The following ATP2C1 variants were observed in gnomAD, a reference collection of about 807,000 sequenced individuals.
ATP2C1 encodes the protein ATPase secretory pathway Ca2+ transporting 1.
Under a neutral mutation model 120.5 loss-of-function variants are expected in ATP2C1, and 31 were observed. The observed-to-expected ratio is 0.26, with a 90% CI of 0.19 to 0.35. ATP2C1 has a LOEUF of 0.35. Ranked by LOEUF, ATP2C1 falls within the 10% of genes least tolerant of loss-of-function variation. ATP2C1 has a pLI of 1.00. For synonymous variants in ATP2C1, 351 were observed against 358.7 expected, an observed-to-expected ratio of 0.98 and a Z score of 0.24; for missense variants, 731 against 1,107.5, an observed-to-expected ratio of 0.66 and a Z score of 4.83.
Position 130,894,105 on chromosome 3 carries a change from G to T in ATP2C1, c.-413G>T. 1.0e-6 allele frequency: 1 copy of T among 974,718 alleles called. No individual in the cohort carries two copies. Among genetic ancestry groups the T allele is most frequent in the Non-Finnish European group, 1.2e-6 (1 of 820,192 alleles). The allele number at this position is 974,718 out of a possible 1,614,324, so 60.4% of individuals were successfully genotyped here. A position where few individuals can be genotyped will look rare whatever the true frequency, so the allele number is the denominator to read the frequency against. On this transcript the variant is annotated 5_prime_UTR_variant, in exon 1 of 28. Transcript: ENST00000510168. This position sits in a 1 kb window ranked among gnomAD's most constrained non-coding sequence, Gnocchi z 4.5. ...GAGCAGACCAGCACGGCCTCGCGGAGCCGGCCCGGCGGACCGTGACGGGTC... is the reference window on the plus strand; with the variant it reads ...GAGCAGACCAGCACGGCCTCGCGGATCCGGCCCGGCGGACCGTGACGGGTC...
rs2062790266 is a variant in ATP2C1 at position 130,999,500 on chromosome 3, T to A, written c.2488-18T>A. The A allele has an allele frequency of 1.2e-6, 2 of 1,612,158 alleles. No individual in the cohort carries two copies. The highest frequency in any genetic ancestry group is 1.7e-6 in the Non-Finnish European group (2 of 1,179,244). On this transcript the variant is annotated intron_variant, in intron 26 of 27. Coordinates refer to ENST00000510168, the MANE Select transcript of ATP2C1 (RefSeq NM_001378687.1). The stretch of plus-strand genomic sequence containing the variant: ...TGTGACCAAGGAGTAATAAATGAAC[T>A]CTCTGCTCTGCCAACAGACCAAGTC...
intron 9 of ATP2C1, among the ~76,000 whole-genome samples, 166 bp downstream of exon 9, chr3:130,954,142 A>G (rs2108551356): frequency 6.6e-6 from 1 of 152,338 alleles, no homozygotes; most frequent in East Asian, 1.9e-4. Flanking sequence ...CTGTGTCCCC[A>G]AAGTATAATA....
chr3:130,918,253 A>G, intron 2 of ATP2C1: 1 of 1,521,226 alleles, frequency 6.6e-7, no homozygotes, highest in South Asian at 1.1e-5. Context: ...CTCCTTGGCC[A>G]TAGCCAAATC....
At chr3:130,972,101 C>T (rs2061342751) in intron 17 of ATP2C1, among the ~76,000 whole-genome samples, 1 of 152,168 alleles carries the variant, frequency 6.6e-6, no homozygotes, top group African/African-American at 2.4e-5. Context: ...GATCCTCAGG[C>T]ATTAGATTCT....
At chr3:130,913,273 A>G (rs2058528832) in intron 2 of ATP2C1, among the ~76,000 whole-genome samples, 1 of 152,006 alleles carries the variant, frequency 6.6e-6, no homozygotes, top group East Asian at 2.0e-4. Context: ...TAAAAAAAAA[A>G]AAGAATTTTG....
intron 2 of ATP2C1, among the ~76,000 whole-genome samples, chr3:130,929,416 T>A (rs1031947711): frequency 2.2e-4 from 34 of 152,210 alleles, no homozygotes; most frequent in African/African-American, 7.2e-4. Flanking sequence ...TTGATTTCAT[T>A]TGCTTAAAGA....
At chr3:130,903,024 TA>T (rs2057939822) in intron 2 of ATP2C1, among the ~76,000 whole-genome samples, 1 of 151,996 alleles carries the variant, frequency 6.6e-6, no homozygotes, top group East Asian at 1.9e-4. Context: ...TCTTTCCTTT[TA>T]GGAAAAAAAC....
At chr3:130,881,292 C>G (rs1177113180) in intron 1 of ATP2C1, among the ~76,000 whole-genome samples, 1 of 152,086 alleles carries the variant, frequency 6.6e-6, no homozygotes, top group Non-Finnish European at 1.5e-5. Context: ...TGGCCAGTGG[C>G]AATTTAACTT....
Position 130,993,019 on chromosome 3 carries a change from A to T in ATP2C1, c.1890+18A>T. The T allele has an allele frequency of 6.2e-7, 1 of 1,606,292 alleles. No homozygotes were observed. Among genetic ancestry groups the T allele is most frequent in the Non-Finnish European group, 8.5e-7 (1 of 1,173,256 alleles). On this transcript the variant is annotated intron_variant, in intron 21 of 27. Transcript: ENST00000510168. ...TTATTAAGGTGAGTGTGTAAGAATC[A>T]GATTGTTTTATTTCTGTATACAAAA...
chr3:130,927,333 C>T (rs2059258625), intron 2 of ATP2C1, among the ~76,000 whole-genome samples: 2 of 151,668 alleles, frequency 1.3e-5, no homozygotes, highest in African/African-American at 4.8e-5. Flanking sequence ...CTCTGCCTCC[C>T]GGGTTCATGC....
In ATP2C1 at chr3:130,997,951, C is replaced by T. The variant is rs572827454; in HGVS notation, c.2391+198C>T. ...TATTGATTCATGTATTAGAATAAATCTGCAGAGAAGTATCAGTTACAATAA... is the reference window on the plus strand; with the variant it reads ...TATTGATTCATGTATTAGAATAAATTTGCAGAGAAGTATCAGTTACAATAA... On this transcript the variant is annotated intron_variant, in intron 25 of 27. Transcript: ENST00000510168. 2.0e-5 allele frequency among the ~76,000 whole-genome samples: 3 copies of T among 152,200 alleles called. No individual in the cohort carries two copies. The East Asian group carries it at 5.8e-4, about 29-fold the overall frequency.
intron 1 of ATP2C1, among the ~76,000 whole-genome samples, chr3:130,860,225 TTC>T: frequency 6.6e-6 from 1 of 152,220 alleles, no homozygotes; most frequent in East Asian, 1.9e-4. Context: ...TCATCTACAC[TTC>T]GTTAGCTTTT....
In ATP2C1 at chr3:130,894,553, C is replaced by T; in HGVS notation, c.-180-37C>T. On this transcript the variant is annotated intron_variant, in intron 1 of 27. Transcript: ENST00000510168. The surrounding 1 kb of genome is among the most constrained non-coding windows in gnomAD (Gnocchi z 4.5). ...CTGGGCGGGGAACTCCTTCCTCAGC[C>T]TCTCGTCAGCGCCGCTTCTCCTGGT... 2 of 1,415,722 alleles carry T rather than the reference C, an allele frequency of 1.4e-6. No individual in the cohort carries two copies. Among genetic ancestry groups the T allele is most frequent in the Non-Finnish European group, 1.8e-6 (2 of 1,085,490 alleles). The allele number at this position is 1,415,722 out of a possible 1,614,324, so 87.7% of individuals were successfully genotyped here.
At chr3:130,987,096 G>A (rs1214031417) in intron 20 of ATP2C1, among the ~76,000 whole-genome samples, 1 of 148,428 alleles carries the variant, frequency 6.7e-6, no homozygotes, top group Non-Finnish European at 1.5e-5. Context: ...TCACCACTAT[G>A]CTTGGGTAAT....
In ATP2C1 at chr3:130,965,194, C is replaced by G. The variant is rs79540389; in HGVS notation, c.1122+149C>G. 9.2e-3 allele frequency: 6,079 copies of G among 663,790 alleles called. 260 individuals carry two copies. The African/African-American group carries it at 0.093, about 10-fold the overall frequency. The allele number at this position is 663,790 out of a possible 1,614,324, so 41.1% of individuals were successfully genotyped here. A position where few individuals can be genotyped will look rare whatever the true frequency, so the allele number is the denominator to read the frequency against. On this transcript the variant is annotated intron_variant, in intron 14 of 27. Coordinates refer to ENST00000510168, the MANE Select transcript of ATP2C1 (RefSeq NM_001378687.1). ...TTCTCTCTCTGTGATTTTACCAAGT[C>G]TTTGTCTCATTCCACTTGTACACTT...
Position 131,002,590 on chromosome 3 carries a change from G to A in ATP2C1, c.*1240G>A. 1 of 985,390 alleles carries A rather than the reference G, an allele frequency of 1.0e-6. No individual in the cohort carries two copies. The highest frequency in any genetic ancestry group is 1.2e-6 in the Non-Finnish European group (1 of 829,900). The allele number at this position is 985,390 out of a possible 1,614,324, so 61.0% of individuals were successfully genotyped here. A position where few individuals can be genotyped will look rare whatever the true frequency, so the allele number is the denominator to read the frequency against. Reference sequence around the variant, plus strand: ...AAGCTTGATGAGGTATAGGTCATTTGTTTTGAGTATGTGGGCCAGAAATTT... The same window carrying A: ...AAGCTTGATGAGGTATAGGTCATTTATTTTGAGTATGTGGGCCAGAAATTT... On this transcript the variant is annotated 3_prime_UTR_variant, in exon 28 of 28. Transcript: ENST00000510168.
At chr3:130,924,770 A>T (rs1051130500) in intron 2 of ATP2C1, among the ~76,000 whole-genome samples, 2 of 151,746 alleles carry the variant, frequency 1.3e-5, no homozygotes, top group Non-Finnish European at 2.9e-5. Context: ...ATTTTTTTTA[A>T]AATAATTTTT....
intron 7 of ATP2C1, among the ~76,000 whole-genome samples, chr3:130,941,168 C>T (rs2059885372): frequency 6.6e-6 from 1 of 151,872 alleles, no homozygotes; most frequent in Non-Finnish European, 1.5e-5. Flanking sequence ...CCCACCTCGG[C>T]CTCCCAAAGT....
Position 131,002,486 on chromosome 3 carries a change from T to C in ATP2C1, c.*1136T>C. On this transcript the variant is annotated 3_prime_UTR_variant, in exon 28 of 28. Coordinates refer to ENST00000510168, the MANE Select transcript of ATP2C1 (RefSeq NM_001378687.1). ...ATATCTCTTCTACTTTCATCATGTGTTCTGTACCTTCTTTTTGTTTCATTG... is the reference window on the plus strand; with the variant it reads ...ATATCTCTTCTACTTTCATCATGTGCTCTGTACCTTCTTTTTGTTTCATTG... 2 of 985,408 alleles carry C rather than the reference T, an allele frequency of 2.0e-6. No individual in the cohort carries two copies. The highest frequency in any genetic ancestry group is 9.4e-5 in the South Asian group (2 of 21,270). 61.0% of individuals were successfully genotyped at this position (985,408 alleles called of 1,614,324 possible).
Sources: gnomAD v4.1 joint callset for allele counts (sites outside exome capture counted in the v4.1 genomes callset) on GRCh38, gnomAD v4.1.1 for gene constraint, Gnocchi (gnomAD v3.1) non-coding constraint, MANE v1.5 for transcripts, NCBI Gene and HGNC (gene_info 2026-07-23, HGNC 2026-07-21) for gene names.